Variants in HLA-DOA observed in about 807,000 individuals in gnomAD.
The protein encoded by HLA-DOA is HLA class II histocompatibility antigen, DO alpha chain.
HLA-DOA carries 27 observed loss-of-function variants against 22.9 expected under a neutral mutation model. The observed-to-expected ratio is 1.18, with a 90% CI of 0.87 to 1.62. The LOEUF is 1.62. HLA-DOA is among the 40% of genes most tolerant of loss of function. The probability of loss-of-function intolerance (pLI) is 0.00; values close to 1 mark genes in which losing one functional copy is unlikely to be tolerated. For missense variants in HLA-DOA, 324 were observed against 332.4 expected (o/e 0.97, Z 0.20); for synonymous variants, 137 against 138.6 (o/e 0.99, Z 0.08).
chr6:33,008,449 C>T (rs753118182), intron 1 of HLA-DOA, 188 bp from the exon 2 acceptor site: 17 of 1,404,918 alleles, frequency 1.2e-5, no homozygotes, highest in Non-Finnish European at 1.4e-5. Context: ...AGAGGCTCAT[C>T]CCAGCACACT....
Position 33,006,254 on chromosome 6 carries a change from T to C in HLA-DOA, c.*584A>G, listed in dbSNP as rs183993098. 2.1e-3 allele frequency: 335 copies of C among 156,232 alleles called. 2 individuals carry two copies. The highest frequency in any genetic ancestry group is 7.3e-3 in the African/African-American group (302 of 41,646). The allele number at this position is 156,232 out of a possible 1,614,324, so 9.7% of individuals were successfully genotyped here. ...ACATCATGGCAGGATACCAGTGGCC[T>C]CTTCATACAGAGTAAACCCAGGCAG... is the stretch of plus-strand genomic sequence containing the variant. On this transcript the variant is annotated 3_prime_UTR_variant, in exon 5 of 5. Coordinates refer to ENST00000229829, the MANE Select transcript of HLA-DOA (RefSeq NM_002119.4).
In HLA-DOA at chr6:33,006,316, C is replaced by A; in HGVS notation, c.*522G>T. ...CCATGAGCCTGTCCTGTCCCAGCACCCTTCAGAACTGTTGTTAGCTGAGGG... is the reference window on the plus strand; with the variant it reads ...CCATGAGCCTGTCCTGTCCCAGCACACTTCAGAACTGTTGTTAGCTGAGGG... On this transcript the variant is annotated 3_prime_UTR_variant, in exon 5 of 5. Transcript: ENST00000229829. 5.3e-6 allele frequency: 1 copy of A among 189,444 alleles called. No individual in the cohort carries two copies. Among genetic ancestry groups the A allele is most frequent in the Non-Finnish European group, 1.1e-5 (1 of 89,856 alleles). 11.7% of individuals were successfully genotyped at this position (189,444 alleles called of 1,614,324 possible). A position where few individuals can be genotyped will look rare whatever the true frequency, so the allele number is the denominator to read the frequency against.
In HLA-DOA at chr6:33,007,419, G is replaced by A. The variant is rs746690930; in HGVS notation, c.505C>T (p.His169Tyr). 2 of 1,606,800 alleles carry A rather than the reference G, an allele frequency of 1.2e-6. No homozygotes were observed. Among genetic ancestry groups the A allele is most frequent in the Non-Finnish European group, 1.7e-6 (2 of 1,176,338 alleles). ...AGGTAGTGGAACTTGCGGAACAAATGGTCAGGCTGGGAATAGAAGCTGGTC... is the reference window on the plus strand; with the variant it reads ...AGGTAGTGGAACTTGCGGAACAAATAGTCAGGCTGGGAATAGAAGCTGGTC... ...AQTSFYSQPDHLFRKFHYLPF... is the reference protein window; with the variant it reads ...AQTSFYSQPDYLFRKFHYLPF... The change falls in exon 3 of 5, where the codon CAT becomes TAT. Residue 169 changes from histidine to tyrosine, a missense_variant. His to Tyr is a moderately conservative substitution (Grantham distance 83). Transcript: ENST00000229829.
chr6:33,009,354 C>G lies in HLA-DOA; in HGVS notation c.82+101G>C, dbSNP rs371623964. ...TTGGTGAAGGAAGTTGCCCATAAACCAGAGAGCGAGAGGAACAAGCATCCT... is the reference window on the plus strand; with the variant it reads ...TTGGTGAAGGAAGTTGCCCATAAACGAGAGAGCGAGAGGAACAAGCATCCT... On this transcript the variant is annotated intron_variant, in intron 1 of 4. Coordinates refer to ENST00000229829, the MANE Select transcript of HLA-DOA (RefSeq NM_002119.4). The surrounding 1 kb of genome is among the most constrained non-coding windows in gnomAD (Gnocchi z 4.8). 2,378 of 762,202 alleles carry G rather than the reference C, an allele frequency of 3.1e-3. 76 individuals carry two copies. The South Asian group carries it at 0.046, about 15-fold the overall frequency. The allele number at this position is 762,202 out of a possible 1,614,324, so 47.2% of individuals were successfully genotyped here. A position where few individuals can be genotyped will look rare whatever the true frequency, so the allele number is the denominator to read the frequency against.
rs1435916962 is a variant in HLA-DOA, at chr6:33,007,229, G to A, written c.614-14C>T. The A allele has an allele frequency of 1.9e-6, 3 of 1,613,672 alleles. No homozygotes were observed. The East Asian group carries it at 6.7e-5, about 36-fold the overall frequency. On this transcript the variant is annotated splice_polypyrimidine_tract_variant and intron_variant, in intron 3 of 4. Transcript: ENST00000229829. ...GCACCTGGAGCTCTAGGAGAGAAAG[G>A]AAGGAGTTGGTGGTATATGAAAGGA...
rs942164384 is a variant in HLA-DOA at position 33,007,565 on chromosome 6, T to C, written c.359A>G (p.Lys120Arg). 1.9e-6 allele frequency: 3 copies of C among 1,612,534 alleles called. No homozygotes were observed. In the East Asian group the frequency reaches 6.7e-5, roughly 36 times the overall value. Residue 120 changes from lysine (K) to arginine (R), a missense_variant, in exon 3 of 5, where the codon AAG (lysine) becomes AGG (arginine). Coordinates refer to ENST00000229829, the MANE Select transcript of HLA-DOA (RefSeq NM_002119.4). ...NVPPRVTVLP[K>R]SRVELGQPNI... ...GGGCTGGCCCAGCTCCACCCGAGAC[T>C]TGGGGAGCACGGTCACCCGTGGAGG... is the stretch of plus-strand genomic sequence containing the variant.
At chr6:33,007,020 G>A (rs1276485811) in intron 4 of HLA-DOA, 60 bp downstream of exon 4, 30 of 1,563,140 alleles carry the variant, frequency 1.9e-5, no homozygotes, top group Non-Finnish European at 2.1e-5. Context: ...CTCCACCCAC[G>A]TCCTGTTCAG....
At position 33,008,091 on chromosome 6, in the gene HLA-DOA, C is replaced by T. The variant is rs112121360; in HGVS notation, c.253G>A (p.Gly85Arg). Residue 85 changes from glycine to arginine, a missense_variant, in exon 2 of 5, where the codon GGG (glycine) becomes AGG (arginine). Gly to Arg is a moderately radical substitution (Grantham distance 125). Coordinates refer to ENST00000229829, the MANE Select transcript of HLA-DOA (RefSeq NM_002119.4). ...TTGATTGCGGCGATGCCGGCCAGCC[C>T]GCCCTGCGGGTCAAAGCGGGCAAAG... ...GDFARFDPQG[G>R]LAGIAAIKAH... 6.2e-6 allele frequency: 10 copies of T among 1,612,934 alleles called. No individual in the cohort carries two copies. The highest frequency in any genetic ancestry group is 1.1e-5 in the South Asian group (1 of 91,084).
At chr6:33,008,877 G>A (rs2284191) in intron 1 of HLA-DOA, among the ~76,000 whole-genome samples, 11,633 of 152,144 alleles carry the variant, frequency 0.076, 601 homozygotes, top group East Asian at 0.11. Context: ...CATAACTGTT[G>A]TCTAGTTTTC....
intron 3 of HLA-DOA, 32 bp from the exon 4 acceptor site, chr6:33,007,247 T>C (rs942158153): frequency 1.6e-5 from 26 of 1,613,306 alleles, no homozygotes; most frequent in Non-Finnish European, 1.9e-5. Flanking sequence ...TGGTGGTATA[T>C]GAAAGGATTC....
chr6:33,006,969 T>G, intron 4 of HLA-DOA, 111 bp downstream of exon 4: 1 of 1,496,954 alleles, frequency 6.7e-7, no homozygotes, highest in Non-Finnish European at 9.2e-7. Context: ...TCCCTGCCCA[T>G]TTCTTTTCTG....
rs1780966462 is a variant in HLA-DOA at position 33,009,310 on chromosome 6, G to A, written c.82+145C>T. On this transcript the variant is annotated intron_variant, in intron 1 of 4. Coordinates refer to ENST00000229829, the MANE Select transcript of HLA-DOA (RefSeq NM_002119.4). This position sits in a 1 kb window ranked among gnomAD's most constrained non-coding sequence, Gnocchi z 4.8. ...GGTCCAGAGTGGATGTGACAGAGAT[G>A]AGGGGGATTGGGTGTCTCTTGGTGA... 3.7e-6 allele frequency: 2 copies of A among 543,992 alleles called. No homozygotes were observed. Among genetic ancestry groups the A allele is most frequent in the Non-Finnish European group, 3.2e-6 (1 of 314,460 alleles). The allele number at this position is 543,992 out of a possible 1,614,324, so 33.7% of individuals were successfully genotyped here.
At chr6:33,007,897 G>T in intron 2 of HLA-DOA, 116 bp downstream of exon 2, 1 of 1,359,000 alleles carries the variant, frequency 7.4e-7, no homozygotes, top group Non-Finnish European at 1.0e-6. Context: ...AAAGGAACAG[G>T]GCATGACAGG....
rs759725740 is a variant in HLA-DOA, at chr6:33,007,543, C to G, written c.381G>C (p.Gln127His). Residue 127 changes from glutamine to histidine, a missense_variant, in exon 3 of 5, where the codon CAG (glutamine) becomes CAC (histidine). Coordinates refer to ENST00000229829, the MANE Select transcript of HLA-DOA (RefSeq NM_002119.4). ...VLPKSRVELG[Q>H]PNILICIVDN... is the part of the protein sequence containing the mutation. ...CCACGATGCAGATGAGGATGTTGGG[C>G]TGGCCCAGCTCCACCCGAGACTTGG... 17 of 1,612,816 alleles carry G rather than the reference C, an allele frequency of 1.1e-5. No homozygotes were observed. The highest frequency in any genetic ancestry group is 1.4e-5 in the Non-Finnish European group (17 of 1,179,964).
rs780437826 is a variant in HLA-DOA, at chr6:33,007,322, A to G, written c.602T>C (p.Leu201Pro). The change falls in exon 3 of 5, where the codon CTC (leucine) becomes CCC (proline). Residue 201 changes from leucine (L) to proline (P), a missense_variant. Physicochemically the swap from Leu to Pro is moderately conservative, Grantham distance 98. Transcript: ENST00000229829. ...VEHWGLDAPL[L>P]RHWELQVPIP... is the part of the protein sequence containing the mutation. Reference sequence around the variant, plus strand: ...AGGGGGCTCCGTACCCCAATGCCTGAGGAGTGGCGCATCCAGGCCCCAGTG... The same window carrying G: ...AGGGGGCTCCGTACCCCAATGCCTGGGGAGTGGCGCATCCAGGCCCCAGTG... 1 of 1,612,788 alleles carries G rather than the reference A, an allele frequency of 6.2e-7. No individual in the cohort carries two copies. Among genetic ancestry groups the G allele is most frequent in the Non-Finnish European group, 8.5e-7 (1 of 1,179,832 alleles).
In HLA-DOA at chr6:33,006,450, T is replaced by C; in HGVS notation, c.*388A>G. ...GGCTCATTCACAAAGTAACACACAA[T>C]GGGCCAAATGGAGCAAGACACACCT... is the stretch of plus-strand genomic sequence containing the variant. On this transcript the variant is annotated 3_prime_UTR_variant, in exon 5 of 5. Coordinates refer to ENST00000229829, the MANE Select transcript of HLA-DOA (RefSeq NM_002119.4). The C allele has an allele frequency of 2.7e-6, 1 of 375,142 alleles. No homozygotes were observed. Among genetic ancestry groups the C allele is most frequent in the Non-Finnish European group, 4.9e-6 (1 of 202,956 alleles). The allele number at this position is 375,142 out of a possible 1,614,324, so 23.2% of individuals were successfully genotyped here.
chr6:33,006,851 C>A lies in HLA-DOA; in HGVS notation c.750-10G>T. ...TCAGAAGGATCATTACCTAAAATAG[C>A]AGAAAACATACGATCGAGGTTGCTC... On this transcript the variant is annotated splice_polypyrimidine_tract_variant and intron_variant, in intron 4 of 4. Transcript: ENST00000229829. The A allele has an allele frequency of 6.2e-7, 1 of 1,606,186 alleles. No homozygotes were observed. Among genetic ancestry groups the A allele is most frequent in the Non-Finnish European group, 8.5e-7 (1 of 1,173,748 alleles).
intron 4 of HLA-DOA, 103 bp from the exon 5 acceptor site, chr6:33,006,944 C>T (rs1780833061): frequency 6.9e-7 from 1 of 1,448,646 alleles, no homozygotes; most frequent in Non-Finnish European, 9.6e-7. Flanking sequence ...TCTCACCCCA[C>T]CTCTGCTTCT....
rs1356029019 is a variant in HLA-DOA, at chr6:33,008,099, G to C, written c.245C>G (p.Pro82Arg). The change falls in exon 2 of 5, where the codon CCG becomes CGG. Residue 82 changes from proline to arginine, a missense_variant. By Grantham distance (103) the Pro-to-Arg change is moderately radical. Transcript: ENST00000229829. ...PEFGDFARFDPQGGLAGIAAI... is the reference protein window; with the variant it reads ...PEFGDFARFDRQGGLAGIAAI... ...GGCGATGCCGGCCAGCCCGCCCTGC[G>C]GGTCAAAGCGGGCAAAGTCACCAAA... is the stretch of plus-strand genomic sequence containing the variant. 1 of 1,613,036 alleles carries C rather than the reference G, an allele frequency of 6.2e-7. No individual in the cohort carries two copies. The highest frequency in any genetic ancestry group is 1.1e-5 in the South Asian group (1 of 91,086).
Sources: gnomAD v4.1 joint callset for allele counts (sites outside exome capture counted in the v4.1 genomes callset) on GRCh38, gnomAD v4.1.1 for gene constraint, Gnocchi (gnomAD v3.1) non-coding constraint, MANE v1.5 for transcripts, NCBI Gene and HGNC (gene_info 2026-07-23, HGNC 2026-07-21) for gene names.